Variants in PTPRG observed in about 807,000 individuals in gnomAD.
PTPRG encodes protein tyrosine phosphatase receptor type G.
In PTPRG, 102 loss-of-function variants were observed where a neutral mutation model predicts 165.3. The observed-to-expected ratio is 0.62, with a 90% CI of 0.53 to 0.73. PTPRG has a LOEUF of 0.73. PTPRG is among the 30% of genes least tolerant of loss of function. PTPRG has a pLI of 0.00. For missense variants in PTPRG, 1,866 were observed against 1,861.4 expected (o/e 1.00, Z -0.05); for synonymous variants, 675 against 669.5 (o/e 1.01, Z -0.13).
At chr3:61,778,129 G>A (rs537835129) in intron 2 of PTPRG, among the ~76,000 whole-genome samples, 1 of 152,260 alleles carries the variant, frequency 6.6e-6, no homozygotes, top group South Asian at 2.1e-4. Context: ...CAGGTTCTTG[G>A]TGTTTTGATC....
At position 62,215,774 on chromosome 3, in the gene PTPRG, G is replaced by A. The variant is rs192436790; in HGVS notation, c.2156-3077G>A. On this transcript the variant is annotated intron_variant, in intron 12 of 29. Coordinates refer to ENST00000474889, the MANE Select transcript of PTPRG (RefSeq NM_002841.4). ...AACACTCACCCTGTAGAGGAGGAGA[G>A]GGGGACAGACATTATCACCAACACA... 1.6e-3 allele frequency among the ~76,000 whole-genome samples: 247 copies of A among 152,228 alleles called. 1 individual carries two copies. The highest frequency in any genetic ancestry group is 5.8e-3 in the African/African-American group (242 of 41,522).
chr3:62,013,758 G>A (rs2041480313), intron 4 of PTPRG, among the ~76,000 whole-genome samples: 1 of 151,500 alleles, frequency 6.6e-6, no homozygotes, highest in Admixed American at 6.6e-5. Context: ...TATTGAAAAG[G>A]CTTCACTTAG....
chr3:61,783,934 G>C (rs1028766182), intron 2 of PTPRG, among the ~76,000 whole-genome samples: 11 of 152,156 alleles, frequency 7.2e-5, no homozygotes, highest in Admixed American at 7.2e-4. Context: ...TGTACTGTTG[G>C]AAAAGTTCAT....
chr3:61,972,492 G>A lies in PTPRG; in HGVS notation c.191-17133G>A, dbSNP rs79311692. Among the ~76,000 whole-genome samples, 569 of 150,654 alleles carry A rather than the reference G, an allele frequency of 3.8e-3. 7 individuals carry two copies. In the East Asian group the frequency reaches 0.066, roughly 17 times the overall value. On this transcript the variant is annotated intron_variant, in intron 2 of 29. Coordinates refer to ENST00000474889, the MANE Select transcript of PTPRG (RefSeq NM_002841.4). ...GTTGATAATAGACTGAAGGGGAGGG[G>A]AGGGTGGGTCAGAGAGTCAGGTTAG...
At chr3:62,232,912 T>C (rs1253326531) in intron 14 of PTPRG, among the ~76,000 whole-genome samples, 1 of 152,214 alleles carries the variant, frequency 6.6e-6, no homozygotes, top group Non-Finnish European at 1.5e-5. Context: ...GGGAGATATG[T>C]GTTCTAACTG....
rs574008866 is a variant in PTPRG, at chr3:62,183,750, C to G, written c.1034-7719C>G. Among the ~76,000 whole-genome samples the G allele has an allele frequency of 3.3e-5, 5 of 152,152 alleles. No individual in the cohort carries two copies. The East Asian group carries it at 9.7e-4, about 29-fold the overall frequency. ...TAGAGAGACCCGAAGGAGTTGGAGGCTGCTCTGGAAATTGTCAAGAGACCC... is the reference window on the plus strand; with the variant it reads ...TAGAGAGACCCGAAGGAGTTGGAGGGTGCTCTGGAAATTGTCAAGAGACCC... On this transcript the variant is annotated intron_variant, in intron 8 of 29. Coordinates refer to ENST00000474889, the MANE Select transcript of PTPRG (RefSeq NM_002841.4).
At chr3:61,689,459 G>T (rs2030015050) in intron 1 of PTPRG, among the ~76,000 whole-genome samples, 1 of 152,204 alleles carries the variant, frequency 6.6e-6, no homozygotes, top group Non-Finnish European at 1.5e-5. Flanking sequence ...AGGGAACAGA[G>T]TCTTGAGCAA....
chr3:61,789,022 T>A (rs761114473), intron 2 of PTPRG, among the ~76,000 whole-genome samples: 8 of 152,236 alleles, frequency 5.3e-5, no homozygotes, highest in Non-Finnish European at 8.8e-5. Context: ...AATACTTTTT[T>A]CTTACATTTA....
chr3:61,896,276 A>C (rs1473624437), intron 2 of PTPRG, among the ~76,000 whole-genome samples: 1 of 152,050 alleles, frequency 6.6e-6, no homozygotes, highest in Non-Finnish European at 1.5e-5. Flanking sequence ...AGCTTTTGTC[A>C]CTTCAAAAAT....
intron 2 of PTPRG, among the ~76,000 whole-genome samples, chr3:61,774,020 C>A (rs937523198): frequency 2.6e-5 from 4 of 152,178 alleles, no homozygotes; most frequent in African/African-American, 9.7e-5. Flanking sequence ...GGTGATCCAA[C>A]CGCCTCAGCC....
At chr3:61,814,818 T>A (rs576839578) in intron 2 of PTPRG, among the ~76,000 whole-genome samples, 1 of 151,668 alleles carries the variant, frequency 6.6e-6, no homozygotes, top group South Asian at 2.1e-4. Context: ...GCATGGCTGC[T>A]TTGTGCCAAG....
At chr3:62,291,639 C>T (rs898665010) in intron 28 of PTPRG, among the ~76,000 whole-genome samples, 1 of 152,036 alleles carries the variant, frequency 6.6e-6, no homozygotes, top group African/African-American at 2.4e-5. Flanking sequence ...TTTCAAAAAA[C>T]AATGGGCACA....
At chr3:61,713,611 T>C (rs2031671789) in intron 1 of PTPRG, among the ~76,000 whole-genome samples, 1 of 152,204 alleles carries the variant, frequency 6.6e-6, no homozygotes, top group Non-Finnish European at 1.5e-5. Flanking sequence ...CAATTTTTAT[T>C]AGCCCTCCCC....
chr3:62,292,166 A>T (rs368450123), intron 28 of PTPRG, among the ~76,000 whole-genome samples: 1 of 152,034 alleles, frequency 6.6e-6, no homozygotes. Flanking sequence ...CTACTTCTGA[A>T]CCTCTCATTT....
intron 9 of PTPRG, among the ~76,000 whole-genome samples, chr3:62,194,389 A>C (rs1207114657): frequency 6.6e-6 from 1 of 152,220 alleles, no homozygotes; most frequent in Admixed American, 6.5e-5. Context: ...AGAGGCTGAA[A>C]GAACTGACTC....
At chr3:62,274,082 T>C (rs920564174) in intron 23 of PTPRG, among the ~76,000 whole-genome samples, 1 of 152,180 alleles carries the variant, frequency 6.6e-6, no homozygotes, top group African/African-American at 2.4e-5. Context: ...TGACTTTATC[T>C]GAATATAAAC....
intron 2 of PTPRG, among the ~76,000 whole-genome samples, chr3:61,887,172 T>TA (rs1559670290): frequency 5.7e-5 from 6 of 105,084 alleles, no homozygotes; most frequent in African/African-American, 6.6e-5. Flanking sequence ...ATATATATAT[T>TA]TTTAATGCCA....
At chr3:62,197,891 T>G (rs1700007106) in intron 10 of PTPRG, among the ~76,000 whole-genome samples, 1 of 152,248 alleles carries the variant, frequency 6.6e-6, no homozygotes, top group African/African-American at 2.4e-5. Context: ...GTCTACAGAC[T>G]TTCTTTCCTC....
At chr3:61,991,396 G>A (rs1274612674) in intron 3 of PTPRG, among the ~76,000 whole-genome samples, 2 of 152,098 alleles carry the variant, frequency 1.3e-5, no homozygotes, top group Non-Finnish European at 2.9e-5. Context: ...AGTAGAGACG[G>A]AATTTTGCCA....
Sources: gnomAD v4.1 joint callset for allele counts (sites outside exome capture counted in the v4.1 genomes callset) on GRCh38, gnomAD v4.1.1 for gene constraint, MANE v1.5 for transcripts, NCBI Gene and HGNC (gene_info 2026-07-23, HGNC 2026-07-21) for gene names.